The following IDO2 variants were observed in gnomAD, a reference collection of about 807,000 sequenced individuals.
The protein encoded by IDO2 is indoleamine 2,3-dioxygenase 2.
A neutral mutation model predicts 45.1 loss-of-function variants in IDO2; 46 were observed. The ratio of observed to expected loss-of-function variants is 1.02; its 90% CI spans 0.80 to 1.30. IDO2 has a LOEUF of 1.30. IDO2 is among the 50% of genes most tolerant of loss of function. The pLI, the probability that IDO2 is intolerant of heterozygous loss-of-function variation, is 0.00. For synonymous variants in IDO2, 218 were observed against 184.9 expected (o/e 1.18, Z -1.45); for missense variants, 544 against 491.8 (o/e 1.11, Z -1.00).
intron 8 of IDO2, among the ~76,000 whole-genome samples, chr8:39,996,452 T>C (rs539597355): frequency 9.2e-5 from 14 of 152,288 alleles, no homozygotes; most frequent in Admixed American, 3.9e-4. Context: ...TTACCTGTCA[T>C]TGGAGACGAC....
At chr8:39,982,841 A>G in intron 5 of IDO2, 71 bp downstream of exon 5, 1 of 997,324 alleles carries the variant, frequency 1.0e-6, no homozygotes, top group Admixed American at 2.7e-5. Flanking sequence ...TTTTTTTATA[A>G]TTAGGGAAGT....
intron 2 of IDO2, among the ~76,000 whole-genome samples, chr8:39,952,755 G>A (rs944069157): frequency 6.6e-6 from 1 of 151,600 alleles, no homozygotes; most frequent in African/African-American, 2.4e-5. Context: ...GAGAGAGCCC[G>A]GAAATGAGGC....
At chr8:39,992,670 A>G (rs1801956480) in intron 8 of IDO2, among the ~76,000 whole-genome samples, 1 of 152,212 alleles carries the variant, frequency 6.6e-6, no homozygotes, top group African/African-American at 2.4e-5. Flanking sequence ...TCTGGTTTGT[A>G]ATGATAAACT....
intron 6 of IDO2, among the ~76,000 whole-genome samples, chr8:39,986,633 G>T (rs995158226): frequency 6.6e-6 from 1 of 151,896 alleles, no homozygotes; most frequent in South Asian, 2.1e-4. Flanking sequence ...TGATTCCTCT[G>T]TAACAGCCTT....
At chr8:39,980,176 A>T (rs544366607) in intron 4 of IDO2, among the ~76,000 whole-genome samples, 2 of 152,314 alleles carry the variant, frequency 1.3e-5, no homozygotes, top group African/African-American at 4.8e-5. Context: ...ACTCTTATGT[A>T]TATAAATTAT....
chr8:40,015,663 G>A, exon 11 of IDO2: 1 of 1,252,980 alleles, frequency 8.0e-7, no homozygotes, highest in Non-Finnish European at 1.1e-6. Context: ...CCTGGAGAAT[G>A]AGGGTCAGGG....
intron 3 of IDO2, among the ~76,000 whole-genome samples, chr8:39,969,892 AT>A (rs1266298558): frequency 1.5e-4 from 22 of 142,152 alleles, no homozygotes; most frequent in African/African-American, 3.7e-4. Flanking sequence ...AAAAAAAAAA[AT>A]ATCTAAAGCT....
chr8:40,014,599 A>G (rs537598622), intron 10 of IDO2, among the ~76,000 whole-genome samples: 1 of 152,292 alleles, frequency 6.6e-6, no homozygotes, highest in African/African-American at 2.4e-5. Flanking sequence ...TTTGTGTTCT[A>G]CATTTGAAGA....
intron 9 of IDO2, among the ~76,000 whole-genome samples, chr8:40,012,373 C>G (rs1802322135): frequency 6.6e-6 from 1 of 152,124 alleles, no homozygotes. Flanking sequence ...GTTTGGGGAT[C>G]AAGTTCTGGT....
At chr8:39,988,492 C>T (rs1331308374) in intron 7 of IDO2, among the ~76,000 whole-genome samples, 1 of 152,172 alleles carries the variant, frequency 6.6e-6, no homozygotes, top group Admixed American at 6.5e-5. Flanking sequence ...AGTGCAATGG[C>T]GTGGTTTTAG....
chr8:39,994,639 G>A (rs1802002700), intron 8 of IDO2, among the ~76,000 whole-genome samples: 1 of 150,548 alleles, frequency 6.6e-6, no homozygotes, highest in Admixed American at 6.6e-5. Context: ...GGTCCTTCTG[G>A]CAGAGTAAAT....
exon 11 of IDO2, chr8:40,016,328 A>G: frequency 2.5e-6 from 1 of 396,452 alleles, no homozygotes; most frequent in African/African-American, 2.1e-5. Flanking sequence ...AGTAAATAAG[A>G]AAACTGGGAA....
intron 3 of IDO2, among the ~76,000 whole-genome samples, chr8:39,977,996 T>C (rs373329631): frequency 3.9e-5 from 6 of 152,354 alleles, no homozygotes; most frequent in South Asian, 2.1e-4. Context: ...ACAATGTTAT[T>C]GTAGCCTCCT....
At chr8:39,999,197 C>T (rs1358366104) in intron 8 of IDO2, among the ~76,000 whole-genome samples, 2 of 151,414 alleles carry the variant, frequency 1.3e-5, no homozygotes, top group African/African-American at 4.9e-5. Flanking sequence ...TCTCCCCTGA[C>T]TATGTGTACC....
At chr8:39,984,975 A>T (rs1170440827) in intron 5 of IDO2, 1 of 416,012 alleles carries the variant, frequency 2.4e-6, no homozygotes, top group Admixed American at 2.8e-5. Flanking sequence ...TCTGTCTCCC[A>T]GGCTGGAGTG....
At chr8:39,970,846 A>G (rs1808167179) in intron 3 of IDO2, among the ~76,000 whole-genome samples, 1 of 146,162 alleles carries the variant, frequency 6.8e-6, no homozygotes, top group Admixed American at 7.0e-5. Flanking sequence ...AGCTCACTGC[A>G]ATCTCTGCCT....
At chr8:40,015,829 T>A (rs1802379843) in exon 11 of IDO2, 1 of 492,538 alleles carries the variant, frequency 2.0e-6, no homozygotes, top group Non-Finnish European at 3.6e-6. Flanking sequence ...TAACGGCATG[T>A]ATAATGGATA....
At chr8:39,973,477 G>A (rs1056404025) in intron 3 of IDO2, among the ~76,000 whole-genome samples, 4 of 151,874 alleles carry the variant, frequency 2.6e-5, no homozygotes, top group Non-Finnish European at 5.9e-5. Context: ...GAAACTGTAA[G>A]TATGTAAGAA....
chr8:39,943,594 G>C (rs1243976714), intron 1 of IDO2, among the ~76,000 whole-genome samples: 1 of 151,808 alleles, frequency 6.6e-6, no homozygotes, highest in Non-Finnish European at 1.5e-5. Context: ...AAAATTAGCC[G>C]GGCGAGGTGG....
Sources: gnomAD v4.1 joint callset for allele counts (sites outside exome capture counted in the v4.1 genomes callset) on GRCh38, gnomAD v4.1.1 for gene constraint, MANE v1.5 for transcripts, NCBI Gene and HGNC (gene_info 2026-07-23, HGNC 2026-07-21) for gene names.